Variants in LARGE1 observed in about 807,000 individuals in gnomAD.
LARGE1 encodes xylosyl- and glucuronyltransferase LARGE1.
A neutral mutation model predicts 87.6 loss-of-function variants in LARGE1; 43 were observed. The ratio of observed to expected loss-of-function variants is 0.49; its 90% CI spans 0.38 to 0.63. The LOEUF (loss-of-function observed/expected upper bound fraction) is 0.63, where lower values mean the gene tolerates loss of function less well. Ranked by LOEUF, LARGE1 falls within the 30% of genes least tolerant of loss-of-function variation. LARGE1 has a pLI of 0.00. For missense variants in LARGE1, 802 were observed against 1,000.2 expected, an observed-to-expected ratio of 0.80 and a Z score of 2.67; for synonymous variants, 434 against 394.6, an observed-to-expected ratio of 1.10 and a Z score of -1.18.
intron 1 of LARGE1, among the ~76,000 whole-genome samples, chr22:33,910,870 C>T (rs2065616510): frequency 6.6e-6 from 1 of 152,122 alleles, no homozygotes. Flanking sequence ...GGAGAGGAGT[C>T]CTAGGAAATA....
At chr22:33,479,311 C>T (rs949122213) in intron 6 of LARGE1, among the ~76,000 whole-genome samples, 2 of 152,168 alleles carry the variant, frequency 1.3e-5, no homozygotes, top group African/African-American at 4.8e-5. Flanking sequence ...CCTAGCACAG[C>T]ATCTGGCACC....
intron 10 of LARGE1, among the ~76,000 whole-genome samples, chr22:33,323,184 G>A (rs1357240604): frequency 6.6e-6 from 1 of 152,134 alleles, no homozygotes; most frequent in African/African-American, 2.4e-5. Context: ...AAACAGGAAA[G>A]AAAGAAAGGT....
chr22:33,485,063 C>G (rs1465277717), intron 6 of LARGE1, among the ~76,000 whole-genome samples: 1 of 151,598 alleles, frequency 6.6e-6, no homozygotes, highest in East Asian at 1.9e-4. Flanking sequence ...AGGTTCCCAC[C>G]ACCACGCCCG....
chr22:33,466,065 T>C (rs752925379), intron 6 of LARGE1, among the ~76,000 whole-genome samples: 48 of 152,218 alleles, frequency 3.2e-4, no homozygotes, highest in Non-Finnish European at 5.9e-4. Context: ...CCCGCTCATT[T>C]CCATCCTAAT....
chr22:33,739,840 T>C (rs531620191), intron 2 of LARGE1, among the ~76,000 whole-genome samples: 4 of 152,100 alleles, frequency 2.6e-5, no homozygotes, highest in Admixed American at 1.3e-4. Context: ...GAGCCAAAGA[T>C]GAGGGCATGG....
the LARGE1 span, among the ~76,000 whole-genome samples, chr22:33,087,055 G>A: frequency 6.6e-6 from 1 of 151,872 alleles, no homozygotes; most frequent in Admixed American, 6.6e-5. Context: ...TTTTCTTTCT[G>A]TTTTGTTTCT....
chr22:33,323,053 G>C (rs889439351), intron 10 of LARGE1, among the ~76,000 whole-genome samples: 1 of 151,950 alleles, frequency 6.6e-6, no homozygotes, highest in Non-Finnish European at 1.5e-5. Context: ...ACCTGGGAGG[G>C]GATGGTTGCA....
At chr22:33,278,553 T>TCACACACACA (rs113415022) in intron 13 of LARGE1, among the ~76,000 whole-genome samples, 5 of 148,670 alleles carry the variant, frequency 3.4e-5, no homozygotes, top group African/African-American at 7.5e-5. Flanking sequence ...TCTCTCTCTC[T>TCACACACACA]CACACACACA....
At chr22:33,629,148 T>C (rs1160135837) in intron 3 of LARGE1, among the ~76,000 whole-genome samples, 3 of 152,120 alleles carry the variant, frequency 2.0e-5, no homozygotes, top group Admixed American at 2.0e-4. Flanking sequence ...ATAATATCTG[T>C]AAAAGACTCA....
chr22:33,871,575 T>C (rs1399546480), intron 1 of LARGE1, among the ~76,000 whole-genome samples: 5 of 152,208 alleles, frequency 3.3e-5, no homozygotes, highest in Non-Finnish European at 4.4e-5. Context: ...TTAGAGCATC[T>C]GGAACCAGAC....
chr22:33,895,926 A>AAAT (rs1032045675), intron 1 of LARGE1, among the ~76,000 whole-genome samples: 24 of 151,964 alleles, frequency 1.6e-4, no homozygotes, highest in African/African-American at 5.3e-4. Context: ...CACCGTAGTA[A>AAAT]AATACACATC....
intron 12 of LARGE1, among the ~76,000 whole-genome samples, chr22:33,290,237 A>G (rs368578257): frequency 3.9e-5 from 6 of 152,092 alleles, no homozygotes; most frequent in East Asian, 1.9e-4. Flanking sequence ...CCAGGGAAAC[A>G]GCCCAGGTTC....
At chr22:33,181,827 C>CTTTTTTTTT (rs56347007) in intron 11 of LARGE1, among the ~76,000 whole-genome samples, 2 of 128,476 alleles carry the variant, frequency 1.6e-5, no homozygotes, top group Admixed American at 8.0e-5. Flanking sequence ...TATGCCTGGC[C>CTTTTTTTTT]TTTTTTTTTT....
At chr22:33,323,984 T>C (rs568953401) in intron 10 of LARGE1, among the ~76,000 whole-genome samples, 2 of 152,114 alleles carry the variant, frequency 1.3e-5, no homozygotes, top group African/African-American at 4.8e-5. Context: ...ATAATCCCAA[T>C]ACTTTGGGAA....
At chr22:33,489,827 G>C (rs181387315) in intron 6 of LARGE1, among the ~76,000 whole-genome samples, 58 of 152,310 alleles carry the variant, frequency 3.8e-4, no homozygotes, top group Non-Finnish European at 6.6e-4. Flanking sequence ...GTGGCAGAGA[G>C]AAACAAGAAG....
chr22:33,387,216 G>A (rs2065355565), intron 7 of LARGE1, among the ~76,000 whole-genome samples: 1 of 148,394 alleles, frequency 6.7e-6, no homozygotes, highest in Admixed American at 6.7e-5. Context: ...TCTGAAGTCA[G>A]GAGTCCAAGA....
chr22:33,473,186 G>C (rs914765124), intron 6 of LARGE1, among the ~76,000 whole-genome samples: 10 of 144,904 alleles, frequency 6.9e-5, no homozygotes, highest in Non-Finnish European at 1.5e-4. Flanking sequence ...TTTTTTCTTT[G>C]AGATGGAGTT....
At chr22:33,322,594 G>A (rs1277592283) in intron 10 of LARGE1, 1 of 152,164 alleles carries the variant, frequency 6.6e-6, no homozygotes, top group Non-Finnish European at 1.5e-5. Context: ...TGTATGTTAG[G>A]AGAGGGAGTA....
intron 2 of LARGE1, among the ~76,000 whole-genome samples, chr22:33,672,542 T>A (rs1337522252): frequency 6.6e-6 from 1 of 152,204 alleles, no homozygotes; most frequent in Non-Finnish European, 1.5e-5. Flanking sequence ...CATGTGTTCC[T>A]AGGAGAGGAC....
Sources: gnomAD v4.1 joint callset for allele counts (sites outside exome capture counted in the v4.1 genomes callset) on GRCh38, gnomAD v4.1.1 for gene constraint, MANE v1.5 for transcripts, NCBI Gene and HGNC (gene_info 2026-07-23, HGNC 2026-07-21) for gene names.